DNAH10: variants seen among roughly 807,000 people sequenced by gnomAD.
The protein encoded by DNAH10 is dynein axonemal heavy chain 10, also known as axonemal beta dynein heavy chain 10.
DNAH10 carries 348 observed loss-of-function variants against 506.6 expected under a neutral mutation model. That is an observed-to-expected ratio of 0.69 (90% CI 0.63 to 0.75). The LOEUF (loss-of-function observed/expected upper bound fraction) is 0.75, where lower values mean the gene tolerates loss of function less well. Among genes scored for constraint, DNAH10 ranks in the 30% least tolerant of loss-of-function variants. The pLI is 0.00. For synonymous variants in DNAH10, 2,059 were observed against 2,198.6 expected, an observed-to-expected ratio of 0.94 and a Z score of 1.78; for missense variants, 5,179 against 5,787.1, an observed-to-expected ratio of 0.89 and a Z score of 3.41.
rs1233928459 is a variant in DNAH10 at position 123,914,311 on chromosome 12, C to T, written c.10353-18C>T. 25 of 1,605,198 alleles carry T rather than the reference C, an allele frequency of 1.6e-5. No homozygotes were observed. Among genetic ancestry groups the T allele is most frequent in the Non-Finnish European group, 2.0e-5 (24 of 1,174,878 alleles). On this transcript the variant is annotated intron_variant, in intron 60 of 78. Transcript: ENST00000673944. ...CAGAAGGTAAACTCACGGCAGCCTC[C>T]CTCTCCTCCCGTGCCAGGTGGCTGA... is the stretch of plus-strand genomic sequence containing the variant.
In DNAH10 at chr12:123,902,698, G is replaced by GAC. The variant is rs949765136; in HGVS notation, c.9641-237_9641-236dup. ...GATTTGTCCTGGATGGAGTGGGTGGGACACAGGTGGGCCAGTTGAGGAAGG... is the reference window on the plus strand; with the variant it reads ...GATTTGTCCTGGATGGAGTGGGTGGGACACACAGGTGGGCCAGTTGAGGAAGG... On this transcript the variant is annotated intron_variant, in intron 56 of 78. Coordinates refer to ENST00000673944, the MANE Select transcript of DNAH10 (RefSeq NM_001372106.1). This position sits in a 1 kb window ranked among gnomAD's most constrained non-coding sequence, Gnocchi z 4.5. Among the ~76,000 whole-genome samples the GAC allele has an allele frequency of 9.2e-5, 14 of 152,280 alleles. No individual in the cohort carries two copies. The highest frequency in any genetic ancestry group is 3.4e-4 in the African/African-American group (14 of 41,558).
At chr12:123,794,188 G>A in intron 12 of DNAH10, 76 bp downstream of exon 12, 2 of 1,002,822 alleles carry the variant, frequency 2.0e-6, no homozygotes, top group Non-Finnish European at 2.4e-6. Context: ...TCCCACTATT[G>A]TCTGTCTTTC....
chr12:123,786,464 A>G (rs924673345), intron 9 of DNAH10, among the ~76,000 whole-genome samples: 6 of 151,584 alleles, frequency 4.0e-5, no homozygotes, highest in South Asian at 2.1e-4. Context: ...CCTCTCCCCA[A>G]TTGCCCAAGT....
At chr12:123,864,789 A>G in intron 40 of DNAH10, 59 bp downstream of exon 40, 4 of 1,541,596 alleles carry the variant, frequency 2.6e-6, no homozygotes, top group South Asian at 1.2e-5. Context: ...AAAAATGCAA[A>G]TGTTTGTTAA....
rs1408920859 is a variant in DNAH10, at chr12:123,785,862, T to TCCG, written c.1349_1351dup (p.Pro450dup). 8 of 1,614,060 alleles carry TCCG rather than the reference T, an allele frequency of 5.0e-6. No homozygotes were observed. Among genetic ancestry groups the TCCG allele is most frequent in the Non-Finnish European group, 6.8e-6 (8 of 1,180,024 alleles). On this transcript the variant is annotated inframe_insertion, in exon 9 of 79. Coordinates refer to ENST00000673944, the MANE Select transcript of DNAH10 (RefSeq NM_001372106.1). The surrounding 1 kb of genome is among the most constrained non-coding windows in gnomAD (Gnocchi z 4.1). Reference sequence around the variant, plus strand: ...ACTACAACAAAGACGAGAGGATGATTCCGCTCATGGAGCGCATCGCCTGGG... The same window carrying TCCG: ...ACTACAACAAAGACGAGAGGATGATTCCGCCGCTCATGGAGCGCATCGCCTGGG...
chr12:123,812,178 G>A (rs1294226501), intron 19 of DNAH10, among the ~76,000 whole-genome samples: 4 of 152,066 alleles, frequency 2.6e-5, no homozygotes, highest in East Asian at 1.9e-4. Context: ...TTGGCCGGGC[G>A]CAGTGGCTCA....
chr12:123,767,692 G>A lies in DNAH10; in HGVS notation c.298+3G>A, dbSNP rs1167846928. 1.2e-6 allele frequency: 2 copies of A among 1,609,498 alleles called. No homozygotes were observed. Among genetic ancestry groups the A allele is most frequent in the East Asian group, 2.2e-5 (1 of 44,810 alleles). On this transcript the variant is annotated splice_donor_region_variant and intron_variant, in intron 2 of 78. Transcript: ENST00000673944. Reference sequence around the variant, plus strand: ...GGAGTCCGTGGATAAAGTGCGAGGTGTGGAGTTGGGAGGGGTCATGGGAGG... The same window carrying A: ...GGAGTCCGTGGATAAAGTGCGAGGTATGGAGTTGGGAGGGGTCATGGGAGG...
intron 24 of DNAH10, among the ~76,000 whole-genome samples, chr12:123,823,888 TA>T (rs1178478680): frequency 1.3e-5 from 2 of 152,216 alleles, no homozygotes; most frequent in East Asian, 1.9e-4. Context: ...TAAGCATTTT[TA>T]AAAATCCAAT....
In DNAH10 at chr12:123,928,730, C is replaced by G. The variant is rs1364233775; in HGVS notation, c.12306+143C>G. ...GAAACCTTGCGGTTGAAACCCTTCT[C>G]AATCCCACCTCTCTCTTTAGAGGGA... On this transcript the variant is annotated intron_variant, in intron 70 of 78. Coordinates refer to ENST00000673944, the MANE Select transcript of DNAH10 (RefSeq NM_001372106.1). The surrounding 1 kb of genome is among the most constrained non-coding windows in gnomAD (Gnocchi z 4.9). The G allele has an allele frequency of 2.1e-5, 19 of 924,912 alleles. 1 individual carries two copies. Among genetic ancestry groups the G allele is most frequent in the Non-Finnish European group, 3.0e-5 (19 of 630,824 alleles). 57.3% of individuals were successfully genotyped at this position (924,912 alleles called of 1,614,324 possible). A position where few individuals can be genotyped will look rare whatever the true frequency, so the allele number is the denominator to read the frequency against.
At position 123,848,838 on chromosome 12, in the gene DNAH10, C is replaced by T. The variant is rs1951055010; in HGVS notation, c.6058C>T (p.Gln2020Ter). The change falls in exon 34 of 79, where the codon CAG (glutamine) becomes TAG (stop). Residue 2020 changes from glutamine (Q) to a stop codon, truncating the protein, a stop_gained. Transcript: ENST00000673944. LOFTEE classifies it high-confidence loss of function. ...GCTCTCCGTGATCTCCTCCCAGATC[C>T]AGACGATCCGAAATGCTCTGATCCA... The part of the protein sequence containing the change: ...SVLSVISSQI[Q>*]TIRNALIHQL... 1 of 1,613,870 alleles carries T rather than the reference C, an allele frequency of 6.2e-7. No homozygotes were observed. The highest frequency in any genetic ancestry group is 8.5e-7 in the Non-Finnish European group (1 of 1,179,854).
chr12:123,763,726 G>A (rs1956915501), intron 1 of DNAH10, among the ~76,000 whole-genome samples: 1 of 151,520 alleles, frequency 6.6e-6, no homozygotes, highest in African/African-American at 2.4e-5. Context: ...ACCATGCCTG[G>A]CTAATTTTTA....
rs1960134384 is a variant in DNAH10, at chr12:123,827,699, A to G, written c.4391+801A>G. 2.0e-5 allele frequency among the ~76,000 whole-genome samples: 3 copies of G among 152,176 alleles called. No individual in the cohort carries two copies. The South Asian group carries it at 6.2e-4, about 32-fold the overall frequency. On this transcript the variant is annotated intron_variant, in intron 25 of 78. Transcript: ENST00000673944. ...TCAAGTGACTTCATTTTCCCTAGTG[A>G]GAAAGTCATCCCTTCTTTGGTTCCC...
chr12:123,831,080 T>C (rs1960495658), intron 26 of DNAH10, among the ~76,000 whole-genome samples: 1 of 152,248 alleles, frequency 6.6e-6, no homozygotes, highest in Non-Finnish European at 1.5e-5. Context: ...AGTTTCATTT[T>C]CCATTGTTTA....
intron 54 of DNAH10, among the ~76,000 whole-genome samples, chr12:123,895,889 G>A (rs1256218482): frequency 6.6e-6 from 1 of 151,996 alleles, no homozygotes; most frequent in East Asian, 1.9e-4. Flanking sequence ...GAGGCGGGTG[G>A]ATCACTTGAG....
At chr12:123,825,689 C>A (rs949845129) in intron 24 of DNAH10, among the ~76,000 whole-genome samples, 1 of 152,098 alleles carries the variant, frequency 6.6e-6, no homozygotes, top group African/African-American at 2.4e-5. Context: ...GGAAATGGGG[C>A]AGCTTTTGAG....
chr12:123,913,312 T>C lies in DNAH10; in HGVS notation c.10349T>C (p.Ile3450Thr). Residue 3450 changes from isoleucine to threonine, a missense_variant, in exon 60 of 79, where the codon ATC becomes ACC. This residue lies in a region of DNAH10 where 4,844 missense variants were observed against 5,430.5 expected (regional missense o/e 0.89). Coordinates refer to ENST00000673944, the MANE Select transcript of DNAH10 (RefSeq NM_001372106.1). The surrounding 1 kb of genome is among the most constrained non-coding windows in gnomAD (Gnocchi z 5.1). Reference sequence around the variant, plus strand: ...ATCTCGGGTCTGGGGTCAGAAAACATCAGGTTAGCGCTGCTCACGAGCCCA... The same window carrying C: ...ATCTCGGGTCTGGGGTCAGAAAACACCAGGTTAGCGCTGCTCACGAGCCCA... ...KLISGLGSEN[I>T]RWLNDLDELM... The C allele has an allele frequency of 1.3e-6, 2 of 1,594,224 alleles. No homozygotes were observed. The highest frequency in any genetic ancestry group is 1.7e-6 in the Non-Finnish European group (2 of 1,171,372).
chr12:123,824,076 G>T lies in DNAH10; in HGVS notation c.4180-2611G>T, dbSNP rs1295159153. ...CACTGGGTGGCTTCTGGGAGGCTGG[G>T]CAGGGGACTGTCATCATAATCCCAG... On this transcript the variant is annotated intron_variant, in intron 24 of 78. Transcript: ENST00000673944. Among the ~76,000 whole-genome samples, 10 of 152,154 alleles carry T rather than the reference G, an allele frequency of 6.6e-5. No homozygotes were observed. In the South Asian group the frequency reaches 1.9e-3, roughly 28 times the overall value.
Position 123,926,729 on chromosome 12 carries a change from A to T in DNAH10, c.12014A>T (p.Asp4005Val). Residue 4005 changes from aspartate to valine, a missense_variant, in exon 69 of 79, where the codon GAC becomes GTC. This residue lies in a region of DNAH10 where 4,844 missense variants were observed against 5,430.5 expected (regional missense o/e 0.89). Transcript: ENST00000673944. This position sits in a 1 kb window ranked among gnomAD's most constrained non-coding sequence, Gnocchi z 4.1. ...PIVFILSPGS[D>V]PATDLMKLAE... is the part of the protein sequence containing the mutation. ...GTGTTTATCCTGAGTCCTGGCTCCG[A>T]CCCTGCCACTGATCTTATGAAATTA... is the stretch of plus-strand genomic sequence containing the variant. 1 of 1,613,896 alleles carries T rather than the reference A, an allele frequency of 6.2e-7. No homozygotes were observed. Among genetic ancestry groups the T allele is most frequent in the Non-Finnish European group, 8.5e-7 (1 of 1,179,884 alleles).
At position 123,907,602 on chromosome 12, in the gene DNAH10, C is replaced by T. The variant is rs1037560578; in HGVS notation, c.9816-1659C>T. 6.6e-6 allele frequency among the ~76,000 whole-genome samples: 1 copy of T among 152,178 alleles called. No individual in the cohort carries two copies. Among genetic ancestry groups the T allele is most frequent in the Non-Finnish European group, 1.5e-5 (1 of 68,024 alleles). ...ATTTGGGAACTGGAAGGTTCCAGTT[C>T]TGCGTCTCTACTTCACAGATGGGGA... On this transcript the variant is annotated intron_variant, in intron 57 of 78. Transcript: ENST00000673944. The surrounding 1 kb of genome is among the most constrained non-coding windows in gnomAD (Gnocchi z 4.4).
Sources: allele counts gnomAD v4.1 joint callset (sites outside exome capture counted in the v4.1 genomes callset), GRCh38; gene constraint gnomAD v4.1.1; regional missense constraint gnomAD v4.1.1; non-coding constraint Gnocchi (gnomAD v3.1); transcripts MANE v1.5; gene names NCBI Gene and HGNC (gene_info 2026-07-23, HGNC 2026-07-21).